PARD3B: variants seen among roughly 807,000 people sequenced by gnomAD.
The protein encoded by PARD3B is partitioning defective 3 homolog B.
In PARD3B, 103 loss-of-function variants were observed where a neutral mutation model predicts 130.2. That is an observed-to-expected ratio of 0.79 (90% confidence interval 0.67 to 0.93). The LOEUF is 0.93. PARD3B is among the 40% of genes least tolerant of loss of function. The pLI is 0.00. For missense variants in PARD3B, 1,609 were observed against 1,499.2 expected, an observed-to-expected ratio of 1.07 and a Z score of -1.21; for synonymous variants, 583 against 553.2, an observed-to-expected ratio of 1.05 and a Z score of -0.76.
chr2:204,566,662 A>G (rs1247265551), intron 1 of PARD3B, among the ~76,000 whole-genome samples: 5 of 152,236 alleles, frequency 3.3e-5, no homozygotes, highest in African/African-American at 4.8e-5. Flanking sequence ...AAGACATAGT[A>G]TAAATTACTA....
At chr2:205,107,298 T>A (rs1253565759) in intron 5 of PARD3B, among the ~76,000 whole-genome samples, 2 of 152,212 alleles carry the variant, frequency 1.3e-5, no homozygotes, top group Non-Finnish European at 2.9e-5. Flanking sequence ...TCCAGACCTT[T>A]TGGATTTAGA....
At chr2:204,834,693 G>C (rs1005650087) in intron 2 of PARD3B, among the ~76,000 whole-genome samples, 4 of 152,244 alleles carry the variant, frequency 2.6e-5, no homozygotes, top group Middle Eastern at 3.4e-3. Context: ...GACTGTAGCT[G>C]GCAAAAGGAA....
At chr2:205,399,289 A>G (rs991793803) in intron 18 of PARD3B, among the ~76,000 whole-genome samples, 3 of 151,968 alleles carry the variant, frequency 2.0e-5, no homozygotes, top group Non-Finnish European at 4.4e-5. Flanking sequence ...AAAAACAAAA[A>G]ATCTAGGAAT....
intron 3 of PARD3B, among the ~76,000 whole-genome samples, chr2:204,987,149 GA>G (rs1261465600): frequency 6.6e-6 from 1 of 150,934 alleles, no homozygotes; most frequent in African/African-American, 2.4e-5. Context: ...TTTGACTTTG[GA>G]AAAAAAATGT....
chr2:205,522,893 A>G (rs1006738410), intron 21 of PARD3B, among the ~76,000 whole-genome samples: 19 of 152,042 alleles, frequency 1.2e-4, no homozygotes, highest in African/African-American at 4.6e-4. Context: ...TGGTAAAACA[A>G]TCTTATTAAT....
At chr2:204,863,324 C>T (rs953096232) in intron 2 of PARD3B, among the ~76,000 whole-genome samples, 2 of 152,132 alleles carry the variant, frequency 1.3e-5, no homozygotes, top group Non-Finnish European at 2.9e-5. Context: ...TCCACTGGAG[C>T]GCCATCCTTG....
chr2:205,467,288 G>T (rs2048661367), intron 20 of PARD3B, among the ~76,000 whole-genome samples: 1 of 152,124 alleles, frequency 6.6e-6, no homozygotes, highest in African/African-American at 2.4e-5. Flanking sequence ...TATTAATTCT[G>T]TGAAATGCCA....
At chr2:204,756,469 C>T (rs1330210952) in intron 2 of PARD3B, among the ~76,000 whole-genome samples, 11 of 151,990 alleles carry the variant, frequency 7.2e-5, no homozygotes, top group Non-Finnish European at 1.5e-4. Flanking sequence ...ATAAATAAAT[C>T]GAATAGCTTA....
At chr2:205,131,260 G>A (rs988540783) in intron 10 of PARD3B, among the ~76,000 whole-genome samples, 3 of 152,182 alleles carry the variant, frequency 2.0e-5, no homozygotes, top group Non-Finnish European at 2.9e-5. Context: ...CTAAACTAAT[G>A]TGCATGAGAT....
intron 22 of PARD3B, among the ~76,000 whole-genome samples, chr2:205,576,361 G>C (rs2053760319): frequency 6.7e-6 from 1 of 149,598 alleles, no homozygotes; most frequent in Non-Finnish European, 1.5e-5. Flanking sequence ...TATCTAAAAA[G>C]TCATCACCAT....
At chr2:205,065,438 C>T (rs1434155) in intron 4 of PARD3B, among the ~76,000 whole-genome samples, 151,175 of 152,312 alleles carry the variant, frequency 0.99, 75,032 homozygotes, top group Middle Eastern at 1. Context: ...TATCCTGACC[C>T]AATATATAAT....
At chr2:205,504,736 A>C (rs1229220754) in intron 21 of PARD3B, among the ~76,000 whole-genome samples, 1 of 152,204 alleles carries the variant, frequency 6.6e-6, no homozygotes, top group Non-Finnish European at 1.5e-5. Context: ...AAAGTCAGGA[A>C]ACAACAGGTG....
At chr2:204,901,097 A>G (rs933887142) in intron 2 of PARD3B, among the ~76,000 whole-genome samples, 9 of 152,038 alleles carry the variant, frequency 5.9e-5, no homozygotes, top group African/African-American at 2.2e-4. Context: ...TGTGATAACC[A>G]CTGCCTAGCT....
intron 3 of PARD3B, among the ~76,000 whole-genome samples, chr2:204,976,366 GTC>G (rs2125192577): frequency 6.6e-6 from 1 of 152,252 alleles, no homozygotes; most frequent in Admixed American, 6.5e-5. Context: ...AAGCCACTGA[GTC>G]TGTTTCCTCA....
At chr2:204,859,446 C>G (rs1211495452) in intron 2 of PARD3B, among the ~76,000 whole-genome samples, 3 of 151,944 alleles carry the variant, frequency 2.0e-5, no homozygotes, top group Non-Finnish European at 4.4e-5. Context: ...ATAAGAGCAC[C>G]CTCCCCCATT....
chr2:205,107,027 AG>A (rs1478678252), intron 5 of PARD3B, among the ~76,000 whole-genome samples: 1 of 152,238 alleles, frequency 6.6e-6, no homozygotes, highest in Non-Finnish European at 1.5e-5. Context: ...CATATGCCAC[AG>A]GGCTTGGCCC....
intron 16 of PARD3B, among the ~76,000 whole-genome samples, chr2:205,283,756 T>A (rs2041280351): frequency 1.3e-5 from 2 of 152,206 alleles, no homozygotes; most frequent in African/African-American, 4.8e-5. Flanking sequence ...TAATCATTTT[T>A]AAGTGTACAG....
intron 2 of PARD3B, among the ~76,000 whole-genome samples, chr2:204,791,245 C>G (rs2042193047): frequency 6.6e-6 from 1 of 152,164 alleles, no homozygotes; most frequent in East Asian, 1.9e-4. Context: ...TAAGTTGACC[C>G]TTGACCACAG....
At chr2:204,684,817 C>A (rs546680834) in intron 1 of PARD3B, among the ~76,000 whole-genome samples, 1 of 152,268 alleles carries the variant, frequency 6.6e-6, no homozygotes, top group Admixed American at 6.5e-5. Context: ...CCTATAAACT[C>A]AGTATTAGAA....
Sources: gnomAD v4.1 joint callset for allele counts (sites outside exome capture counted in the v4.1 genomes callset) on GRCh38, gnomAD v4.1.1 for gene constraint, MANE v1.5 for transcripts, NCBI Gene and HGNC (gene_info 2026-07-23, HGNC 2026-07-21) for gene names.